Variants in FRMD6 observed in about 807,000 individuals in gnomAD.
FRMD6 encodes FERM domain-containing protein 6.
In FRMD6, 37 loss-of-function variants were observed where a neutral mutation model predicts 73.2. The observed-to-expected ratio is 0.51, with a 90% CI of 0.39 to 0.66. The LOEUF (loss-of-function observed/expected upper bound fraction) is 0.66, where lower values mean the gene tolerates loss of function less well. Among genes scored for constraint, FRMD6 ranks in the 30% least tolerant of loss-of-function variants. FRMD6 has a pLI of 0.00. For synonymous variants in FRMD6, 273 were observed against 282.2 expected, an observed-to-expected ratio of 0.97 and a Z score of 0.33; for missense variants, 714 against 780.5, an observed-to-expected ratio of 0.91 and a Z score of 1.02.
chr14:51,647,810 G>C (rs575065923), upstream of FRMD6, among the ~76,000 whole-genome samples: 1 of 152,184 alleles, frequency 6.6e-6, no homozygotes, highest in African/African-American at 2.4e-5. Flanking sequence ...GGATAGCCCT[G>C]ATTTATTATT....
In FRMD6 at chr14:51,704,072, G is replaced by T. The variant is rs78541301; in HGVS notation, c.372-677G>T. On this transcript the variant is annotated intron_variant, in intron 5 of 13. Transcript: ENST00000344768. ...CTCTGTTAGTATTTCCTTTTGTGGG[G>T]AGTATAATAATTGTCGTGACATGTG... Among the ~76,000 whole-genome samples, 701 of 152,084 alleles carry T rather than the reference G, an allele frequency of 4.6e-3. 16 individuals carry two copies. The highest frequency in any genetic ancestry group is 0.045 in the East Asian group (234 of 5,160).
At chr14:51,600,998 G>GAACATAGA (rs1890005632) in intron 2 of FRMD6, among the ~76,000 whole-genome samples, 1 of 152,144 alleles carries the variant, frequency 6.6e-6, no homozygotes, top group Non-Finnish European at 1.5e-5. Flanking sequence ...AAAGATTTTT[G>GAACATAGA]GGCAGCAATT....
intron 1 of FRMD6, among the ~76,000 whole-genome samples, chr14:51,540,381 T>G (rs1227834625): frequency 1.3e-5 from 2 of 152,196 alleles, no homozygotes; most frequent in East Asian, 3.8e-4. Context: ...ATGTTCCTTA[T>G]GCATCTGAAA....
At chr14:51,431,910 C>T in the FRMD6 span, among the ~76,000 whole-genome samples, 5 of 152,162 alleles carry the variant, frequency 3.3e-5, no homozygotes, top group African/African-American at 1.2e-4. Flanking sequence ...TAAAGTCACC[C>T]ACTTTGCAAG....
intron 2 of FRMD6, among the ~76,000 whole-genome samples, chr14:51,604,146 A>T (rs889080057): frequency 1.3e-5 from 2 of 152,148 alleles, no homozygotes; most frequent in African/African-American, 4.8e-5. Flanking sequence ...AGACCGCTAG[A>T]TTGCTGGGTG....
At position 51,502,729 on chromosome 14, in the gene FRMD6, G is replaced by T. The variant is rs539772234; in HGVS notation, c.-210+13309G>T. Among the ~76,000 whole-genome samples, 14 of 152,226 alleles carry T rather than the reference G, an allele frequency of 9.2e-5. No homozygotes were observed. In the East Asian group the frequency reaches 2.5e-3, roughly 27 times the overall value. Reference sequence around the variant, plus strand: ...TTTTTAAATAGATTTTTCCAATTATGTGAAGAATGTCAATGGTAGCTTAAT... The same window carrying T: ...TTTTTAAATAGATTTTTCCAATTATTTGAAGAATGTCAATGGTAGCTTAAT... On this transcript the variant is annotated intron_variant, in intron 1 of 14. Transcript: ENST00000356218.
At chr14:51,413,690 G>A in the FRMD6 span, among the ~76,000 whole-genome samples, 1 of 152,126 alleles carries the variant, frequency 6.6e-6, no homozygotes, top group East Asian at 1.9e-4. Flanking sequence ...AGGATTGCTG[G>A]GTCAAATGGT....
chr14:51,435,552 T>A, the FRMD6 span, among the ~76,000 whole-genome samples: 1 of 152,202 alleles, frequency 6.6e-6, no homozygotes, highest in South Asian at 2.1e-4. Context: ...TTTTTACTAC[T>A]GAAAACAGTA....
chr14:51,451,189 C>A, the FRMD6 span, among the ~76,000 whole-genome samples: 4 of 152,136 alleles, frequency 2.6e-5, no homozygotes, highest in East Asian at 7.8e-4. Flanking sequence ...ATGCATGACA[C>A]AGGTGAGGCC....
At position 51,729,402 on chromosome 14, in the gene FRMD6, A is replaced by G. The variant is rs894162434; in HGVS notation, c.*1373A>G. 6.6e-6 allele frequency: 1 copy of G among 152,654 alleles called. No individual in the cohort carries two copies. The highest frequency in any genetic ancestry group is 1.5e-5 in the Non-Finnish European group (1 of 68,048). The allele number at this position is 152,654 out of a possible 1,614,324, so 9.5% of individuals were successfully genotyped here. ...TTACCTGTTGTGCTGCTGTTACAAT[A>G]TATAATGAAACCAAGTCAGGGGAGT... On this transcript the variant is annotated 3_prime_UTR_variant, in exon 14 of 14. Transcript: ENST00000344768.
chr14:51,462,174 T>C, the FRMD6 span, among the ~76,000 whole-genome samples: 1 of 152,012 alleles, frequency 6.6e-6, no homozygotes, highest in South Asian at 2.1e-4. Flanking sequence ...TGGAGAAGAG[T>C]GTGGGATTGG....
At chr14:51,418,404 A>C in the FRMD6 span, among the ~76,000 whole-genome samples, 4 of 152,082 alleles carry the variant, frequency 2.6e-5, no homozygotes, top group Non-Finnish European at 4.4e-5. Flanking sequence ...TCCTTCCAGC[A>C]CTCAGGTCCC....
intron 1 of FRMD6, among the ~76,000 whole-genome samples, chr14:51,518,428 G>A (rs990042496): frequency 2.6e-5 from 4 of 152,120 alleles, no homozygotes; most frequent in African/African-American, 9.7e-5. Flanking sequence ...TGAAATCTTG[G>A]GCAAGACATT....
chr14:51,484,626 G>C (rs1882728278), upstream of FRMD6, among the ~76,000 whole-genome samples: 1 of 152,210 alleles, frequency 6.6e-6, no homozygotes, highest in Admixed American at 6.5e-5. Flanking sequence ...AGGAAAGATA[G>C]TCCCTCCCTC....
At chr14:51,432,819 T>C in the FRMD6 span, among the ~76,000 whole-genome samples, 2 of 152,166 alleles carry the variant, frequency 1.3e-5, no homozygotes, top group Non-Finnish European at 2.9e-5. Context: ...CAGGCAAGTC[T>C]AAGGTCTCCA....
At chr14:51,476,985 G>A in the FRMD6 span, among the ~76,000 whole-genome samples, 60 of 152,288 alleles carry the variant, frequency 3.9e-4, 1 homozygote, top group African/African-American at 1.2e-3. Context: ...AGATGAAAGC[G>A]TTCAGCGAGA....
intron 12 of FRMD6, 38 bp from the exon 13 acceptor site, chr14:51,725,741 G>T (rs745451032): frequency 7.3e-7 from 1 of 1,368,164 alleles, no homozygotes; most frequent in East Asian, 2.3e-5. Context: ...TGAATAATTT[G>T]AAGTATTTAT....
chr14:51,545,365 G>A (rs1379323170), intron 1 of FRMD6, among the ~76,000 whole-genome samples: 2 of 152,052 alleles, frequency 1.3e-5, no homozygotes, highest in African/African-American at 4.8e-5. Context: ...TAGTACAAAC[G>A]GGTTTACAAA....
chr14:51,518,033 A>C (rs1884732203), intron 1 of FRMD6, among the ~76,000 whole-genome samples: 1 of 152,242 alleles, frequency 6.6e-6, no homozygotes, highest in Non-Finnish European at 1.5e-5. Context: ...ATTTTGTCTA[A>C]GAGAAAAAAA....
Sources: allele counts gnomAD v4.1 joint callset (sites outside exome capture counted in the v4.1 genomes callset), GRCh38; gene constraint gnomAD v4.1.1; transcripts MANE v1.5; gene names NCBI Gene and HGNC (gene_info 2026-07-23, HGNC 2026-07-21).